The following UBE2D3 variants were observed in gnomAD, a reference collection of about 807,000 sequenced individuals.
UBE2D3 encodes the protein ubiquitin conjugating enzyme E2 D3.
Under a neutral mutation model 22.8 loss-of-function variants are expected in UBE2D3, and 2 were observed. That is an observed-to-expected ratio of 0.09 (90% CI 0.04 to 0.28). The LOEUF (loss-of-function observed/expected upper bound fraction) is 0.28, where lower values mean the gene tolerates loss of function less well. Among genes scored for constraint, UBE2D3 ranks in the 10% least tolerant of loss-of-function variants. UBE2D3 has a pLI of 1.00. For synonymous variants in UBE2D3, 56 were observed against 60.4 expected, an observed-to-expected ratio of 0.93 and a Z score of 0.34; for missense variants, 27 against 182.5, an observed-to-expected ratio of 0.15 and a Z score of 4.91.
intron 1 of UBE2D3, chr4:102,837,051 G>A (rs542516348): frequency 6.6e-6 from 1 of 152,092 alleles, no homozygotes; most frequent in Non-Finnish European, 1.5e-5. Context: ...TTTTTTGTGG[G>A]TTTTTGGGTG....
intron 2 of UBE2D3, among the ~76,000 whole-genome samples, chr4:102,823,717 G>A (rs934290589): frequency 2.0e-5 from 3 of 152,090 alleles, no homozygotes; most frequent in Non-Finnish European, 4.4e-5. Flanking sequence ...ATTACAGCTC[G>A]TTCAAATAAA....
chr4:102,798,506 A>G (rs1368542846), intron 7 of UBE2D3, among the ~76,000 whole-genome samples: 1 of 151,632 alleles, frequency 6.6e-6, no homozygotes, highest in Admixed American at 6.6e-5. Context: ...AGCTGACGCT[A>G]ATGCATGCTT....
At chr4:102,802,836 T>C (rs223425) in intron 4 of UBE2D3, 198 bp from the exon 5 acceptor site, 190,874 of 363,442 alleles carry the variant, frequency 0.53, 52,681 homozygotes, top group African/African-American at 0.77. Context: ...CCCTAATTTA[T>C]CTAGTCATTT....
At chr4:102,856,875 T>C (rs1314030809) in intron 1 of UBE2D3, among the ~76,000 whole-genome samples, 1 of 152,124 alleles carries the variant, frequency 6.6e-6, no homozygotes, top group African/African-American at 2.4e-5. Context: ...AGACAAAAGA[T>C]AATTGGTTAC....
chr4:102,840,587 G>C (rs190563390), intron 1 of UBE2D3, among the ~76,000 whole-genome samples: 1 of 152,114 alleles, frequency 6.6e-6, no homozygotes, highest in African/African-American at 2.4e-5. Context: ...TGGGAGGGGG[G>C]ATGAAGAGAC....
intron 1 of UBE2D3, among the ~76,000 whole-genome samples, chr4:102,844,562 C>G (rs549611172): frequency 4.6e-5 from 7 of 152,348 alleles, no homozygotes; most frequent in African/African-American, 1.7e-4. Context: ...ACATCTGGGA[C>G]TGGAGAAATA....
chr4:102,827,339 C>T, intron 1 of UBE2D3, 88 bp downstream of exon 1: 2 of 978,908 alleles, frequency 2.0e-6, no homozygotes, highest in Non-Finnish European at 2.4e-6. Context: ...GCCGCTCAAG[C>T]CGCCCAGGTC....
At chr4:102,810,676 A>G (rs1727822589) in intron 2 of UBE2D3, 1 of 152,224 alleles carries the variant, frequency 6.6e-6, no homozygotes, top group Admixed American at 6.5e-5. Flanking sequence ...TGCTCTTAAC[A>G]TATAGTCTGC....
At chr4:102,825,280 T>C (rs1421902457) in intron 2 of UBE2D3, 6 of 986,442 alleles carry the variant, frequency 6.1e-6, no homozygotes, top group Middle Eastern at 5.2e-4. Context: ...ATTTATTCCA[T>C]GACATTTTTT....
chr4:102,830,651 C>G (rs992339743), upstream of UBE2D3, among the ~76,000 whole-genome samples: 1 of 152,114 alleles, frequency 6.6e-6, no homozygotes, highest in East Asian at 1.9e-4. Flanking sequence ...ATCACTTGAG[C>G]CCAGGAGTTT....
At chr4:102,856,802 C>T (rs969202085) in intron 1 of UBE2D3, among the ~76,000 whole-genome samples, 6 of 151,892 alleles carry the variant, frequency 4.0e-5, no homozygotes, top group African/African-American at 1.5e-4. Context: ...CACATATGGC[C>T]CTACTCCAGA....
upstream of UBE2D3, among the ~76,000 whole-genome samples, chr4:102,829,920 A>G (rs1731023238): frequency 6.8e-6 from 1 of 146,384 alleles, no homozygotes; most frequent in African/African-American, 2.7e-5. Context: ...ACCCTGTCTC[A>G]AAAAAAAACA....
upstream of UBE2D3, chr4:102,827,622 G>A: frequency 1.0e-6 from 1 of 986,814 alleles, no homozygotes; most frequent in Non-Finnish European, 1.2e-6. Flanking sequence ...GTCCGCCAAC[G>A]CCGCCGTCCC....
intron 1 of UBE2D3, among the ~76,000 whole-genome samples, chr4:102,848,370 C>A (rs1188307711): frequency 6.6e-6 from 1 of 151,722 alleles, no homozygotes; most frequent in African/African-American, 2.4e-5. Flanking sequence ...ATAGGCCGGG[C>A]ATGGTGGCTC....
intron 1 of UBE2D3, among the ~76,000 whole-genome samples, chr4:102,852,783 T>G (rs1022628957): frequency 6.6e-6 from 1 of 152,196 alleles, no homozygotes; most frequent in African/African-American, 2.4e-5. Flanking sequence ...ATCTGTAGCT[T>G]AAAAAATTTT....
At chr4:102,802,847 TAC>T (rs1726418299) in intron 4 of UBE2D3, among the ~76,000 whole-genome samples, 1 of 152,232 alleles carries the variant, frequency 6.6e-6, no homozygotes, top group Admixed American at 6.5e-5. Context: ...CTAGTCATTT[TAC>T]ACGTCACCAA....
chr4:102,829,710 G>C (rs1028859940), upstream of UBE2D3, among the ~76,000 whole-genome samples: 2 of 152,158 alleles, frequency 1.3e-5, no homozygotes, highest in African/African-American at 4.8e-5. Flanking sequence ...GGCTGAGACG[G>C]GTGGATCATA....
At position 102,795,840 on chromosome 4, in the gene UBE2D3, A is replaced by G. The variant is rs1008193320; in HGVS notation, c.*1575T>C. Reference sequence around the variant, plus strand: ...GTGCTAGAACTTTAAGAAATAAAGCAGTGAACAAAATCAAAATAAACAGGA... The same window carrying G: ...GTGCTAGAACTTTAAGAAATAAAGCGGTGAACAAAATCAAAATAAACAGGA... On this transcript the variant is annotated 3_prime_UTR_variant, in exon 8 of 8. Coordinates refer to ENST00000453744, the MANE Select transcript of UBE2D3 (RefSeq NM_181891.3). 10 of 152,370 alleles carry G rather than the reference A, an allele frequency of 6.6e-5. No homozygotes were observed. Among genetic ancestry groups the G allele is most frequent in the African/African-American group, 2.4e-4 (10 of 41,466 alleles). 9.4% of individuals were successfully genotyped at this position (152,370 alleles called of 1,614,324 possible). A position where few individuals can be genotyped will look rare whatever the true frequency, so the allele number is the denominator to read the frequency against.
intron 1 of UBE2D3, among the ~76,000 whole-genome samples, chr4:102,868,041 A>C (rs1038623589): frequency 6.6e-6 from 1 of 151,702 alleles, no homozygotes; most frequent in Non-Finnish European, 1.5e-5. Context: ...GCCTTGTAAC[A>C]TAAAGAAAAC....
Sources: gnomAD v4.1 joint callset for allele counts (sites outside exome capture counted in the v4.1 genomes callset) on GRCh38, gnomAD v4.1.1 for gene constraint, MANE v1.5 for transcripts, NCBI Gene and HGNC (gene_info 2026-07-23, HGNC 2026-07-21) for gene names.